The following KICS2 variants were observed in gnomAD, a reference collection of about 807,000 sequenced individuals.
KICS2 encodes the protein KICSTOR complex protein C12orf66.
KICS2 carries 13 observed loss-of-function variants against 31.4 expected under a neutral mutation model. The observed-to-expected ratio is 0.41, with a 90% CI of 0.27 to 0.66. The LOEUF is 0.66. Ranked by LOEUF, KICS2 falls within the 30% of genes least tolerant of loss-of-function variation. The pLI, the probability that KICS2 is intolerant of heterozygous loss-of-function variation, is 0.28. For missense variants in KICS2, 455 were observed against 545.4 expected (o/e 0.83, Z 1.65); for synonymous variants, 209 against 214.8 (o/e 0.97, Z 0.24).
At chr12:64,221,734 C>A (rs1592391889) in intron 1 of KICS2, 1 of 561,330 alleles carries the variant, frequency 1.8e-6, no homozygotes, top group East Asian at 2.9e-5. Flanking sequence ...TCAATCCATG[C>A]ACGAGGCAAA....
intron 2 of KICS2, among the ~76,000 whole-genome samples, chr12:64,213,527 A>G (rs889002416): frequency 3.3e-5 from 5 of 152,182 alleles, no homozygotes; most frequent in Admixed American, 6.5e-5. Flanking sequence ...TGCTCAATAC[A>G]TGCTAATTTC....
intron 2 of KICS2, among the ~76,000 whole-genome samples, chr12:64,211,639 A>G (rs1434344512): frequency 6.6e-6 from 1 of 152,194 alleles, no homozygotes; most frequent in East Asian, 1.9e-4. Context: ...AAAACCTGCT[A>G]ACTTTAGTTG....
chr12:64,187,520 C>A, downstream of KICS2: 2 of 963,088 alleles, frequency 2.1e-6, no homozygotes, highest in Middle Eastern at 4.1e-4. Flanking sequence ...TACGGATTTA[C>A]ACCATATCAA....
intron 2 of KICS2, among the ~76,000 whole-genome samples, chr12:64,215,088 T>C (rs925150349): frequency 1.3e-5 from 2 of 151,568 alleles, no homozygotes; most frequent in African/African-American, 2.4e-5. Flanking sequence ...GGTGGATCAC[T>C]TGAGGTCAGG....
rs1461395385 is a variant in KICS2 at position 64,193,313 on chromosome 12, C to A, written c.*529G>T. 1 of 985,736 alleles carries A rather than the reference C, an allele frequency of 1.0e-6. No homozygotes were observed. Among genetic ancestry groups the A allele is most frequent in the African/African-American group, 1.7e-5 (1 of 57,328 alleles). The allele number at this position is 985,736 out of a possible 1,614,324, so 61.1% of individuals were successfully genotyped here. ...AACTGATAGAAATTTCTTACCAAGA[C>A]CCTAATTTTGGCATCAAAAATGTTA... On this transcript the variant is annotated 3_prime_UTR_variant, in exon 3 of 3. Transcript: ENST00000398055.
intron 2 of KICS2, among the ~76,000 whole-genome samples, chr12:64,195,299 C>G (rs1260625753): frequency 6.6e-6 from 1 of 152,148 alleles, no homozygotes; most frequent in East Asian, 1.9e-4. Context: ...AAGGCATGCT[C>G]TTTTCAGAGT....
chr12:64,194,370 G>A lies in KICS2; in HGVS notation c.810C>T (p.Ser270=). Residue 270 remains serine, a synonymous_variant, in exon 3 of 3, where the codon AGC becomes AGT. Coordinates refer to ENST00000398055, the MANE Select transcript of KICS2 (RefSeq NM_152440.5). The part of the protein sequence containing the change: ...KLKNMLLAKF[S]FYFHEALSRQ... ...GGCTCAGAGCCTCATGAAAGTAAAA[G>A]CTAAACTTGGCAAGAAGCATGTTTT... 1.2e-6 allele frequency: 2 copies of A among 1,614,048 alleles called. No individual in the cohort carries two copies. The highest frequency in any genetic ancestry group is 1.7e-6 in the Non-Finnish European group (2 of 1,179,976).
In KICS2 at chr12:64,207,350, A is replaced by AT. The variant is rs1392327297; in HGVS notation, c.521+8327dup. On this transcript the variant is annotated intron_variant, in intron 2 of 2. Coordinates refer to ENST00000398055, the MANE Select transcript of KICS2 (RefSeq NM_152440.5). ...AGAGATGGCAAATTTGATATTATGT[A>AT]TTTTTTTTTAACAAAATAAAAAAGC... 1.7e-4 allele frequency among the ~76,000 whole-genome samples: 24 copies of AT among 145,002 alleles called. 1 individual carries two copies. The highest frequency in any genetic ancestry group is 6.5e-4 in the South Asian group (3 of 4,592).
intron 2 of KICS2, among the ~76,000 whole-genome samples, chr12:64,196,013 G>C (rs1486102289): frequency 6.6e-6 from 1 of 152,188 alleles, no homozygotes; most frequent in Admixed American, 6.5e-5. Flanking sequence ...AGGCGGCAGC[G>C]AGGCTGGGGG....
At chr12:64,216,047 G>T in intron 1 of KICS2, 84 bp from the exon 2 acceptor site, 1 of 1,362,638 alleles carries the variant, frequency 7.3e-7, no homozygotes, top group Non-Finnish European at 1.0e-6. Flanking sequence ...CAAAAGCAAA[G>T]AATCCAAACC....
chr12:64,207,526 T>C (rs1432440321), intron 2 of KICS2, among the ~76,000 whole-genome samples: 1 of 152,078 alleles, frequency 6.6e-6, no homozygotes, highest in African/African-American at 2.4e-5. Flanking sequence ...CCAAGTAACT[T>C]GCTTCGGCCA....
At chr12:64,199,823 A>G (rs1421401112) in intron 2 of KICS2, among the ~76,000 whole-genome samples, 2 of 133,782 alleles carry the variant, frequency 1.5e-5, no homozygotes, top group Admixed American at 7.8e-5. Flanking sequence ...ACAAACAGAG[A>G]GCCAAATCAT....
chr12:64,190,418 T>TATTTTAAAGG (rs367549800), downstream of KICS2, among the ~76,000 whole-genome samples: 1,217 of 152,252 alleles, frequency 8.0e-3, 18 homozygotes, highest in African/African-American at 0.027. Flanking sequence ...AGGGTGGACA[T>TATTTTAAAGG]TCACCTGAAG....
At chr12:64,205,818 G>A (rs2136698365) in intron 2 of KICS2, among the ~76,000 whole-genome samples, 2 of 86,310 alleles carry the variant, frequency 2.3e-5, no homozygotes, top group East Asian at 6.8e-4. Context: ...CCATAGAATA[G>A]AGGAAAATAT....
At chr12:64,195,632 A>G in intron 2 of KICS2, among the ~76,000 whole-genome samples, 1 of 152,232 alleles carries the variant, frequency 6.6e-6, no homozygotes, top group Non-Finnish European at 1.5e-5. Flanking sequence ...TCCGGTCTAC[A>G]GCTCCCAGCA....
Position 64,215,939 on chromosome 12 carries a change from T to C in KICS2, c.260A>G (p.Lys87Arg), listed in dbSNP as rs752860450. The C allele has an allele frequency of 2.5e-6, 4 of 1,612,140 alleles. No homozygotes were observed. The East Asian group carries it at 8.9e-5, about 36-fold the overall frequency. ...AGTATAGATGGTGCGGATGGAATCC[T>C]TCCTGCTGAAGAAAGACTGGCCCCC... ...KLGGQSFFSRKDSIRTIYTSL... is the reference protein window; with the variant it reads ...KLGGQSFFSRRDSIRTIYTSL... Residue 87 changes from lysine to arginine, a missense_variant, in exon 2 of 3, where the codon AAG becomes AGG. Coordinates refer to ENST00000398055, the MANE Select transcript of KICS2 (RefSeq NM_152440.5).
intron 2 of KICS2, among the ~76,000 whole-genome samples, chr12:64,196,110 G>T (rs2037434278): frequency 6.6e-6 from 1 of 152,336 alleles, no homozygotes; most frequent in South Asian, 2.1e-4. Context: ...AGCTCAAGGA[G>T]GCCTGCCTGC....
At chr12:64,217,410 G>A (rs1198425109) in intron 1 of KICS2, among the ~76,000 whole-genome samples, 1 of 151,328 alleles carries the variant, frequency 6.6e-6, no homozygotes, top group East Asian at 1.9e-4. Flanking sequence ...CACATTAGAA[G>A]AAGAAGAATT....
chr12:64,196,210 T>A (rs904935940), intron 2 of KICS2, among the ~76,000 whole-genome samples: 3 of 151,890 alleles, frequency 2.0e-5, no homozygotes, highest in Non-Finnish European at 4.4e-5. Flanking sequence ...GTCTGACAGC[T>A]TTGAAGAGAG....
Sources: allele counts gnomAD v4.1 joint callset (sites outside exome capture counted in the v4.1 genomes callset), GRCh38; gene constraint gnomAD v4.1.1; transcripts MANE v1.5; gene names NCBI Gene and HGNC (gene_info 2026-07-23, HGNC 2026-07-21).